TANC2: variants seen among roughly 807,000 people sequenced by gnomAD.
TANC2 encodes protein TANC2.
Under a neutral mutation model 210.5 loss-of-function variants are expected in TANC2, and 26 were observed. That is an observed-to-expected ratio of 0.12 (90% confidence interval 0.09 to 0.17). The LOEUF is 0.17. TANC2 is among the 10% of genes least tolerant of loss of function. TANC2 has a pLI of 1.00. For synonymous variants in TANC2, 931 were observed against 967.1 expected (o/e 0.96, Z 0.69); for missense variants, 2,129 against 2,608.9 (o/e 0.82, Z 4.01).
rs368383324 is a variant in TANC2 at position 63,395,728 on chromosome 17, G to T, written c.3052-15G>T. The T allele has an allele frequency of 1.2e-6, 2 of 1,611,696 alleles. No individual in the cohort carries two copies. The highest frequency in any genetic ancestry group is 1.7e-6 in the Non-Finnish European group (2 of 1,178,982). Reference sequence around the variant, plus strand: ...AAGTCTGTGTTCACACATATCTCCTGTCCTCTCCTCTTAGGTGGATCATTT... The same window carrying T: ...AAGTCTGTGTTCACACATATCTCCTTTCCTCTCCTCTTAGGTGGATCATTT... On this transcript the variant is annotated splice_polypyrimidine_tract_variant and intron_variant, in intron 17 of 27. Coordinates refer to ENST00000689528, the Ensembl canonical transcript of TANC2.
Position 63,266,282 on chromosome 17 carries a change from T to C in TANC2, c.1034-1466T>C, listed in dbSNP as rs948715438. On this transcript the variant is annotated intron_variant, in intron 8 of 27. Coordinates refer to ENST00000689528, the Ensembl canonical transcript of TANC2. Reference sequence around the variant, plus strand: ...ATCTGCTACATTCTTTAGTAAAATGTTTCCTTGCTCATCTTTTTTCTTTCC... The same window carrying C: ...ATCTGCTACATTCTTTAGTAAAATGCTTCCTTGCTCATCTTTTTTCTTTCC... Among the ~76,000 whole-genome samples the C allele has an allele frequency of 4.6e-5, 7 of 152,280 alleles. No homozygotes were observed. The East Asian group carries it at 1.4e-3, about 29-fold the overall frequency.
At chr17:63,060,579 C>CA (rs1342628378) in intron 2 of TANC2, among the ~76,000 whole-genome samples, 1 of 152,000 alleles carries the variant, frequency 6.6e-6, no homozygotes, top group Admixed American at 6.6e-5. Context: ...GAGATCGCAC[C>CA]ACTGCACTCC....
rs534114055 is a variant in TANC2 at position 63,255,753 on chromosome 17, C to T, written c.1034-11995C>T. ...TCAATTTTATCTTCTCCAAAAAAAA[C>T]TTTTCATTTCATTGATCTTTTGTAT... On this transcript the variant is annotated intron_variant, in intron 8 of 27. Coordinates refer to ENST00000689528, the Ensembl canonical transcript of TANC2. Among the ~76,000 whole-genome samples, 561 of 151,350 alleles carry T rather than the reference C, an allele frequency of 3.7e-3. 1 individual carries two copies. Among genetic ancestry groups the T allele is most frequent in the Non-Finnish European group, 6.7e-3 (453 of 67,800 alleles).
intron 9 of TANC2, among the ~76,000 whole-genome samples, chr17:63,285,690 C>A (rs1470016775): frequency 6.6e-6 from 1 of 152,176 alleles, no homozygotes; most frequent in Non-Finnish European, 1.5e-5. Context: ...AACATACACT[C>A]AATTCCTCCA....
At chr17:63,006,090 A>G (rs893440658) in intron 1 of TANC2, among the ~76,000 whole-genome samples, 10 of 152,192 alleles carry the variant, frequency 6.6e-5, no homozygotes, top group Admixed American at 6.5e-4. Context: ...GTTGTTCACA[A>G]TATCTTATTT....
chr17:63,017,871 G>A (rs1419179465), intron 2 of TANC2, among the ~76,000 whole-genome samples: 1 of 152,162 alleles, frequency 6.6e-6, no homozygotes, highest in Non-Finnish European at 1.5e-5. Context: ...GCAGGGCGCG[G>A]TGACTCACTC....
At chr17:63,054,283 C>T (rs528997021) in intron 2 of TANC2, among the ~76,000 whole-genome samples, 2 of 152,190 alleles carry the variant, frequency 1.3e-5, no homozygotes, top group South Asian at 2.1e-4. Flanking sequence ...AGCTGCTCTT[C>T]ATTTCTTCTG....
intron 2 of TANC2, among the ~76,000 whole-genome samples, chr17:63,061,397 A>C (rs185469434): frequency 6.6e-6 from 1 of 152,150 alleles, no homozygotes; most frequent in Admixed American, 6.5e-5. Context: ...AACAAACAAA[A>C]AGATTACATG....
At chr17:62,994,375 A>G (rs1488939054) in intron 1 of TANC2, among the ~76,000 whole-genome samples, 10 of 147,120 alleles carry the variant, frequency 6.8e-5, no homozygotes, top group Non-Finnish European at 1.5e-4. Context: ...TATTTTTAGT[A>G]GAGATGGGGT....
At chr17:63,325,561 T>C (rs2045622034) in intron 11 of TANC2, among the ~76,000 whole-genome samples, 1 of 152,248 alleles carries the variant, frequency 6.6e-6, no homozygotes, top group Non-Finnish European at 1.5e-5. Flanking sequence ...CTTGTTTAAT[T>C]GCCTCTGTTT....
intron 2 of TANC2, among the ~76,000 whole-genome samples, chr17:63,021,690 A>G (rs1034884494): frequency 3.3e-5 from 5 of 152,276 alleles, no homozygotes; most frequent in Non-Finnish European, 7.3e-5. Flanking sequence ...TGCTATAACA[A>G]TACTTGAAAA....
In TANC2 at chr17:63,266,970, C is replaced by T. The variant is rs540151602; in HGVS notation, c.1034-778C>T. Reference sequence around the variant, plus strand: ...CCTCAATCAATCCTCCCATCTGAGCCTCCTGAGTAGCTGGGACTACAGGCG... The same window carrying T: ...CCTCAATCAATCCTCCCATCTGAGCTTCCTGAGTAGCTGGGACTACAGGCG... On this transcript the variant is annotated intron_variant, in intron 8 of 27. Transcript: ENST00000689528. Among the ~76,000 whole-genome samples the T allele has an allele frequency of 3.9e-5, 6 of 152,232 alleles. No homozygotes were observed. In the East Asian group the frequency reaches 7.7e-4, roughly 20 times the overall value.
At position 63,057,662 on chromosome 17, in the gene TANC2, T is replaced by A. The variant is rs149753433; in HGVS notation, c.68-16281T>A. Among the ~76,000 whole-genome samples, 601 of 152,298 alleles carry A rather than the reference T, an allele frequency of 3.9e-3. 9 individuals are homozygous for A. Among genetic ancestry groups the A allele is most frequent in the East Asian group, 6.8e-3 (35 of 5,184 alleles). On this transcript the variant is annotated intron_variant, in intron 2 of 27. Coordinates refer to ENST00000689528, the Ensembl canonical transcript of TANC2. The stretch of plus-strand genomic sequence containing the variant: ...TGTGTTCTCATCATTTAGCTCCCAC[T>A]TATGAGTGAGAATGTGTGGTATTTG...
intron 8 of TANC2, among the ~76,000 whole-genome samples, chr17:63,256,247 C>T (rs1328676563): frequency 1.3e-5 from 2 of 152,126 alleles, no homozygotes; most frequent in Non-Finnish European, 2.9e-5. Flanking sequence ...TGTAAATTTT[C>T]CTCTTAATAC....
intron 9 of TANC2, among the ~76,000 whole-genome samples, chr17:63,311,992 G>A (rs911215348): frequency 3.3e-5 from 5 of 152,146 alleles, no homozygotes; most frequent in Admixed American, 2.0e-4. Flanking sequence ...GGTGATGAAG[G>A]TATTCGGGAA....
intron 2 of TANC2, among the ~76,000 whole-genome samples, chr17:63,040,390 A>T (rs1598299402): frequency 6.6e-6 from 1 of 152,170 alleles, no homozygotes. Context: ...CATAGATGAA[A>T]CATGGAGGCT....
intron 14 of TANC2, among the ~76,000 whole-genome samples, chr17:63,358,367 G>GT (rs1276903863): frequency 2.1e-5 from 3 of 142,124 alleles, no homozygotes; most frequent in African/African-American, 8.1e-5. Flanking sequence ...GAGAGAGAGA[G>GT]AGAGAGAGAG....
intron 8 of TANC2, among the ~76,000 whole-genome samples, chr17:63,246,171 T>G: frequency 6.6e-6 from 1 of 152,040 alleles, no homozygotes; most frequent in Non-Finnish European, 1.5e-5. Context: ...CTACAACAAA[T>G]AGATAATTTA....
chr17:63,315,056 T>G (rs996481578), intron 10 of TANC2, among the ~76,000 whole-genome samples: 11 of 152,166 alleles, frequency 7.2e-5, no homozygotes, highest in Admixed American at 4.6e-4. Context: ...TTTGCATCCT[T>G]CATCTCTTTG....
Sources: allele counts gnomAD v4.1 joint callset (sites outside exome capture counted in the v4.1 genomes callset), GRCh38; gene constraint gnomAD v4.1.1; transcripts MANE v1.5; gene names NCBI Gene and HGNC (gene_info 2026-07-23, HGNC 2026-07-21).